STK3: variants seen among roughly 807,000 people sequenced by gnomAD.
STK3 encodes serine/threonine-protein kinase 3.
Under a neutral mutation model 58.0 loss-of-function variants are expected in STK3, and 41 were observed. That is an observed-to-expected ratio of 0.71 (90% CI 0.55 to 0.92). STK3 has a LOEUF of 0.92. Among genes scored for constraint, STK3 ranks in the 40% least tolerant of loss-of-function variants. The probability of loss-of-function intolerance (pLI) is 0.00; values close to 1 mark genes in which losing one functional copy is unlikely to be tolerated. For synonymous variants in STK3, 170 were observed against 191.0 expected (o/e 0.89, Z 0.91); for missense variants, 479 against 602.7 (o/e 0.79, Z 2.15).
At chr8:98,637,725 T>A (rs1423674241) in intron 6 of STK3, among the ~76,000 whole-genome samples, 1 of 152,076 alleles carries the variant, frequency 6.6e-6, no homozygotes, top group Non-Finnish European at 1.5e-5. Flanking sequence ...TTTTAACCAA[T>A]TTTTTTATGT....
intron 3 of STK3, among the ~76,000 whole-genome samples, chr8:98,865,248 G>A (rs1444352913): frequency 1.3e-5 from 2 of 152,152 alleles, no homozygotes; most frequent in Admixed American, 6.5e-5. Context: ...TAACAATTAG[G>A]TGAGTGTAGC....
intron 10 of STK3, among the ~76,000 whole-genome samples, chr8:98,479,320 C>T (rs957981567): frequency 1.3e-5 from 2 of 151,984 alleles, no homozygotes; most frequent in African/African-American, 4.8e-5. Flanking sequence ...AACCCTGTCT[C>T]TACTAAAAAT....
chr8:98,634,334 A>G (rs932140968), intron 6 of STK3, among the ~76,000 whole-genome samples: 1 of 151,896 alleles, frequency 6.6e-6, no homozygotes, highest in African/African-American at 2.4e-5. Context: ...AAGAAAAAAT[A>G]TATATATATA....
chr8:98,504,896 T>C (rs1823929827), intron 10 of STK3, among the ~76,000 whole-genome samples: 1 of 152,198 alleles, frequency 6.6e-6, no homozygotes, highest in African/African-American at 2.4e-5. Context: ...AGGAATATCT[T>C]TGTGGTGTTC....
chr8:98,698,729 A>T (rs1004351450), intron 6 of STK3, among the ~76,000 whole-genome samples: 9 of 152,166 alleles, frequency 5.9e-5, no homozygotes, highest in Non-Finnish European at 8.8e-5. Flanking sequence ...CTGCTGAGAG[A>T]TCAGCTGTTA....
intron 4 of STK3, among the ~76,000 whole-genome samples, chr8:98,715,504 T>C (rs1252870476): frequency 2.6e-5 from 4 of 151,410 alleles, no homozygotes; most frequent in Admixed American, 1.3e-4. Flanking sequence ...AAGAAGACAC[T>C]TATGCAGCCA....
chr8:98,722,650 T>C (rs1257203738), intron 4 of STK3: 8 of 157,398 alleles, frequency 5.1e-5, no homozygotes. Context: ...CATTCACATA[T>C]AAGCACAGCC....
chr8:98,548,202 A>G, intron 8 of STK3, 41 bp from the exon 9 acceptor site: 1 of 1,378,136 alleles, frequency 7.3e-7, no homozygotes, highest in Non-Finnish European at 9.4e-7. Context: ...CTTTTCTATG[A>G]CAGCTGGATT....
chr8:98,370,609 G>A (rs1817601250), downstream of STK3, among the ~76,000 whole-genome samples: 1 of 152,192 alleles, frequency 6.6e-6, no homozygotes, highest in African/African-American at 2.4e-5. Context: ...AGAAGACACA[G>A]TGGGGTGTCA....
chr8:98,814,491 G>A (rs1227677810), intron 1 of STK3, among the ~76,000 whole-genome samples: 4 of 151,258 alleles, frequency 2.6e-5, no homozygotes, highest in Admixed American at 6.6e-5. Context: ...AAAGGCATGC[G>A]CCACCACGCC....
downstream of STK3, among the ~76,000 whole-genome samples, chr8:98,367,798 T>C (rs571471269): frequency 6.5e-4 from 99 of 152,340 alleles, no homozygotes; most frequent in Middle Eastern, 3.4e-3. Context: ...GGAAGCCGAC[T>C]GACTTGAAAA....
At chr8:98,934,734 G>A (rs1840134099) in intron 1 of STK3, among the ~76,000 whole-genome samples, 1 of 152,036 alleles carries the variant, frequency 6.6e-6, no homozygotes, top group South Asian at 2.1e-4. Flanking sequence ...TGGCCAACAT[G>A]GTGAAACCCC....
At chr8:98,553,410 A>G (rs537446984) in intron 8 of STK3, 1 of 152,288 alleles carries the variant, frequency 6.6e-6, no homozygotes, top group East Asian at 1.9e-4. Flanking sequence ...GATGTCTGGT[A>G]AAAAGCAATG....
At chr8:98,883,872 A>G (rs939248277) in intron 1 of STK3, 3 of 597,910 alleles carry the variant, frequency 5.0e-6, no homozygotes, top group Middle Eastern at 5.2e-4. Flanking sequence ...AGTTCAGTCA[A>G]CTGAAGCCAG....
At chr8:98,400,850 C>T (rs1194078345), downstream of STK3, among the ~76,000 whole-genome samples, 1 of 152,132 alleles carries the variant, frequency 6.6e-6, no homozygotes, top group Admixed American at 6.5e-5. Context: ...TGCCCCTCAA[C>T]ATCTGTGAAA....
chr8:98,679,769 T>G (rs1459397094), intron 6 of STK3, among the ~76,000 whole-genome samples: 1 of 152,236 alleles, frequency 6.6e-6, no homozygotes, highest in African/African-American at 2.4e-5. Flanking sequence ...TGTCATGAAA[T>G]GATAGCAACA....
chr8:98,378,758 T>G (rs1381662766), intron 2 of STK3, among the ~76,000 whole-genome samples: 1 of 152,166 alleles, frequency 6.6e-6, no homozygotes, highest in African/African-American at 2.4e-5. Context: ...GGGCCCAGGA[T>G]GCAAACACCA....
intron 6 of STK3, among the ~76,000 whole-genome samples, chr8:98,601,959 T>C (rs898010229): frequency 1.3e-5 from 2 of 152,236 alleles, no homozygotes; most frequent in African/African-American, 4.8e-5. Flanking sequence ...AAGAGTCTGA[T>C]TTAACTGATC....
chr8:98,388,212 T>C (rs1199866981), exon 1 of STK3: 3 of 152,190 alleles, frequency 2.0e-5, no homozygotes, highest in Non-Finnish European at 4.4e-5. Context: ...AGCCAAATAG[T>C]TGATGTGCAA....
Sources: allele counts gnomAD v4.1 joint callset (sites outside exome capture counted in the v4.1 genomes callset), GRCh38; gene constraint gnomAD v4.1.1; transcripts MANE v1.5; gene names NCBI Gene and HGNC (gene_info 2026-07-23, HGNC 2026-07-21).